CELSR1: variants seen among roughly 807,000 people sequenced by gnomAD.
CELSR1 encodes the protein cadherin EGF LAG seven-pass G-type receptor 1, also known as adhesion G protein-coupled receptor C1.
Under a neutral mutation model 249.1 loss-of-function variants are expected in CELSR1, and 110 were observed. The ratio of observed to expected loss-of-function variants is 0.44; its 90% CI spans 0.38 to 0.52. CELSR1 has a LOEUF of 0.52. CELSR1 is among the 20% of genes least tolerant of loss of function. The pLI, the probability that CELSR1 is intolerant of heterozygous loss-of-function variation, is 0.00. For missense variants in CELSR1, 4,109 were observed against 4,296.4 expected (o/e 0.96, Z 1.22); for synonymous variants, 2,113 against 1,900.0 (o/e 1.11, Z -2.92).
chr22:46,409,247 C>G lies in CELSR1; in HGVS notation c.5060-85G>C. On this transcript the variant is annotated intron_variant, in intron 8 of 34. Transcript: ENST00000674500. The surrounding 1 kb of genome is among the most constrained non-coding windows in gnomAD (Gnocchi z 9.8). ...GCTGCAGGGGCGGGGGATGGGCCTG[C>G]AGGCTAGGCCTGGGCCTTTTTCACT... The G allele has an allele frequency of 7.0e-7, 1 of 1,427,842 alleles. No homozygotes were observed. Among genetic ancestry groups the G allele is most frequent in the Non-Finnish European group, 9.6e-7 (1 of 1,040,274 alleles). The allele number at this position is 1,427,842 out of a possible 1,614,324, so 88.4% of individuals were successfully genotyped here.
intron 1 of CELSR1, among the ~76,000 whole-genome samples, chr22:46,514,223 G>T (rs115707107): frequency 0.018 from 2,766 of 152,264 alleles, 41 homozygotes; most frequent in African/African-American, 0.041. Flanking sequence ...CACCCAGGTA[G>T]GCTCCAACAC....
rs1270679607 is a variant in CELSR1 at position 46,374,393 on chromosome 22, G to C, written c.7585-1336C>G. ...CCTAACCAATGTACCACCTTTTCCA[G>C]AAATAGAACAAAGACAAAAGCGGAT... On this transcript the variant is annotated intron_variant, in intron 24 of 34. Coordinates refer to ENST00000674500, the MANE Select transcript of CELSR1 (RefSeq NM_001378328.1). This position sits in a 1 kb window ranked among gnomAD's most constrained non-coding sequence, Gnocchi z 4.3. Among the ~76,000 whole-genome samples, 3 of 152,206 alleles carry C rather than the reference G, an allele frequency of 2.0e-5. No homozygotes were observed. The highest frequency in any genetic ancestry group is 7.2e-5 in the African/African-American group (3 of 41,446).
At chr22:46,480,882 T>A (rs968749392) in intron 1 of CELSR1, among the ~76,000 whole-genome samples, 2 of 152,238 alleles carry the variant, frequency 1.3e-5, no homozygotes, top group East Asian at 3.8e-4. Context: ...CAGAGGCAAG[T>A]GACATATGCT....
chr22:46,438,493 T>C (rs2079694310), intron 3 of CELSR1, among the ~76,000 whole-genome samples: 1 of 152,190 alleles, frequency 6.6e-6, no homozygotes, highest in Non-Finnish European at 1.5e-5. Flanking sequence ...AGGTATTCCC[T>C]ACAAAACCCT....
chr22:46,516,261 G>A (rs549417813), intron 1 of CELSR1, among the ~76,000 whole-genome samples: 1 of 152,288 alleles, frequency 6.6e-6, no homozygotes, highest in Admixed American at 6.5e-5. Context: ...TATACACCAT[G>A]GAATACTATG....
In CELSR1 at chr22:46,384,597, G is replaced by C. The variant is rs140685742; in HGVS notation, c.6829C>G (p.Leu2277Val). 1.2e-6 allele frequency: 2 copies of C among 1,613,768 alleles called. No homozygotes were observed. The highest frequency in any genetic ancestry group is 2.2e-5 in the East Asian group (1 of 44,870). The change falls in exon 20 of 35, where the codon CTG becomes GTG. Residue 2277 changes from leucine to valine, a missense_variant. Around this residue, in one of 7 missense-constraint regions of CELSR1, gnomAD observed 1,805 missense variants for 1,831.6 expected, o/e 0.99. Transcript: ENST00000674500. The part of the protein sequence containing the change: ...DTIHEEFPRE[L>V]ESSVSFPADF... The stretch of plus-strand genomic sequence containing the variant: ...GCTGGGAAGGAGACGGAGGACTCCA[G>C]CTCCCTGGGGAACTCTTCATGGATG...
chr22:46,439,810 C>T (rs1018573553), intron 2 of CELSR1, among the ~76,000 whole-genome samples: 2 of 152,146 alleles, frequency 1.3e-5, no homozygotes, highest in African/African-American at 4.8e-5. Context: ...CCTCCCCACA[C>T]CTATGCCCGT....
chr22:46,369,527 T>G (rs2078827056), intron 26 of CELSR1, among the ~76,000 whole-genome samples, 165 bp downstream of exon 26: 1 of 152,152 alleles, frequency 6.6e-6, no homozygotes, highest in Non-Finnish European at 1.5e-5. Flanking sequence ...GATCAGAGGG[T>G]GAGGTCCGGG....
intron 2 of CELSR1, among the ~76,000 whole-genome samples, chr22:46,460,615 C>A (rs117268647): frequency 6.6e-6 from 1 of 152,170 alleles, no homozygotes; most frequent in Non-Finnish European, 1.5e-5. Context: ...AACACCAGCC[C>A]GTGTTTGCCT....
chr22:46,401,033 G>A lies in CELSR1; in HGVS notation c.5227-1131C>T, dbSNP rs542409148. Among the ~76,000 whole-genome samples, 9 of 152,138 alleles carry A rather than the reference G, an allele frequency of 5.9e-5. No homozygotes were observed. The highest frequency in any genetic ancestry group is 2.0e-4 in the Admixed American group (3 of 15,270). On this transcript the variant is annotated intron_variant, in intron 9 of 34. Transcript: ENST00000674500. This position sits in a 1 kb window ranked among gnomAD's most constrained non-coding sequence, Gnocchi z 4.7. Reference sequence around the variant, plus strand: ...ATCAGAATTGCTTGTCTTATTCTACGGGAAAAAGGATCAATCGCTTCATGG... The same window carrying A: ...ATCAGAATTGCTTGTCTTATTCTACAGGAAAAAGGATCAATCGCTTCATGG...
rs929308216 is a variant in CELSR1, at chr22:46,380,573, G to A, written c.7256+215C>T. 5.3e-5 allele frequency among the ~76,000 whole-genome samples: 8 copies of A among 152,328 alleles called. No homozygotes were observed. The highest frequency in any genetic ancestry group is 2.6e-4 in the Admixed American group (4 of 15,304). On this transcript the variant is annotated intron_variant, in intron 22 of 34. Transcript: ENST00000674500. The surrounding 1 kb of genome is among the most constrained non-coding windows in gnomAD (Gnocchi z 5.1). ...TGCACATCTGTATCTCCACGTGCAG[G>A]TCTGTGTGCATCTGTGTGTGGACAT...
chr22:46,388,804 G>A (rs2079057837), intron 18 of CELSR1, among the ~76,000 whole-genome samples: 1 of 152,218 alleles, frequency 6.6e-6, no homozygotes, highest in South Asian at 2.1e-4. Flanking sequence ...TTGAGGCGGA[G>A]GTGTGGCCCT....
Position 46,374,815 on chromosome 22 carries a change from G to A in CELSR1, c.7585-1758C>T, listed in dbSNP as rs183938380. Among the ~76,000 whole-genome samples, 291 of 152,276 alleles carry A rather than the reference G, an allele frequency of 1.9e-3. No individual in the cohort carries two copies. The highest frequency in any genetic ancestry group is 6.5e-3 in the African/African-American group (271 of 41,508). ...ACGTGCCCATTGCGGGGATGCGCCC[G>A]GCTGCGGATGTGAAGAAACCCCTCC... On this transcript the variant is annotated intron_variant, in intron 24 of 34. Transcript: ENST00000674500. The surrounding 1 kb of genome is among the most constrained non-coding windows in gnomAD (Gnocchi z 4.3).
At chr22:46,505,294 G>A (rs2080504942) in intron 1 of CELSR1, among the ~76,000 whole-genome samples, 1 of 147,750 alleles carries the variant, frequency 6.8e-6, no homozygotes, top group South Asian at 2.1e-4. Context: ...AGCAAGGCAG[G>A]TCTTCATTTG....
chr22:46,504,513 A>C (rs1224906021), intron 1 of CELSR1, among the ~76,000 whole-genome samples: 1 of 90,616 alleles, frequency 1.1e-5, no homozygotes, highest in East Asian at 2.6e-4. Context: ...CCAAAAAAAA[A>C]AAAAAAACAA....
rs768953253 is a variant in CELSR1, at chr22:46,535,760, C to T, written c.1411G>A (p.Asp471Asn). The T allele has an allele frequency of 2.5e-6, 4 of 1,612,552 alleles. No individual in the cohort carries two copies. The highest frequency in any genetic ancestry group is 3.4e-6 in the Non-Finnish European group (4 of 1,180,020). The change falls in exon 1 of 35, where the codon GAC becomes AAC. Residue 471 changes from aspartate to asparagine, a missense_variant. By Grantham distance (23) the Asp-to-Asn change is conservative. Transcript: ENST00000674500. ...EQNYVVQVPE[D>N]VGLNTAVLRV... ...AGCACAGCCGTGTTGAGCCCCACGT[C>T]CTCGGGCACCTGGACCACGTAGTTC...
chr22:46,435,889 G>T (rs6007907), intron 4 of CELSR1, among the ~76,000 whole-genome samples: 10,547 of 151,612 alleles, frequency 0.07, 516 homozygotes, highest in African/African-American at 0.14. Context: ...TTAGTACAGA[G>T]GGGGTTTCAC....
chr22:46,460,768 C>T (rs11912250), intron 2 of CELSR1, among the ~76,000 whole-genome samples: 23,914 of 152,070 alleles, frequency 0.16, 2,369 homozygotes, highest in East Asian at 0.29. Flanking sequence ...ACAGTCCCAA[C>T]GCCGTGAGCG....
chr22:46,493,545 CA>C (rs35527058), intron 1 of CELSR1, among the ~76,000 whole-genome samples: 105,109 of 124,724 alleles, frequency 0.84, 43,554 homozygotes, highest in African/African-American at 0.9. Context: ...GACTCCGTCT[CA>C]AAAAAAAAAA....
Sources: gnomAD v4.1 joint callset for allele counts (sites outside exome capture counted in the v4.1 genomes callset) on GRCh38, gnomAD v4.1.1 for gene constraint, gnomAD v4.1.1 regional missense constraint, Gnocchi (gnomAD v3.1) non-coding constraint, MANE v1.5 for transcripts, NCBI Gene and HGNC (gene_info 2026-07-23, HGNC 2026-07-21) for gene names.